XRRA1: variants seen among roughly 807,000 people sequenced by gnomAD.
XRRA1 encodes the protein X-ray radiation resistance-associated protein 1.
In XRRA1, 69 loss-of-function variants were observed where a neutral mutation model predicts 80.2. The ratio of observed to expected loss-of-function variants is 0.86; its 90% CI spans 0.71 to 1.05. XRRA1 has a LOEUF of 1.05. Ranked by LOEUF, XRRA1 falls within the 50% of genes least tolerant of loss-of-function variation. XRRA1 has a pLI of 0.00. For missense variants in XRRA1, 967 were observed against 976.4 expected (o/e 0.99, Z 0.13); for synonymous variants, 348 against 389.9 (o/e 0.89, Z 1.27).
At chr11:74,914,583 T>C (rs1235306191) in intron 8 of XRRA1, among the ~76,000 whole-genome samples, 1 of 152,202 alleles carries the variant, frequency 6.6e-6, no homozygotes, top group Non-Finnish European at 1.5e-5. Flanking sequence ...TACTGTCCCT[T>C]TTCCCTCTCA....
At chr11:74,849,251 G>A (rs921144081) in intron 14 of XRRA1, among the ~76,000 whole-genome samples, 1 of 152,146 alleles carries the variant, frequency 6.6e-6, no homozygotes, top group East Asian at 1.9e-4. Context: ...TGCAAGCACT[G>A]TAGTTAGAAA....
chr11:74,919,546 T>C (rs955009321), intron 8 of XRRA1: 2 of 389,614 alleles, frequency 5.1e-6, no homozygotes, highest in East Asian at 6.8e-5. Context: ...GACTGGCTCA[T>C]GGAGAAAGCC....
intron 8 of XRRA1, among the ~76,000 whole-genome samples, chr11:74,918,318 G>A (rs1460076571): frequency 2.0e-5 from 3 of 152,070 alleles, no homozygotes; most frequent in African/African-American, 7.2e-5. Flanking sequence ...GTGTGTGTGT[G>A]TGTGTGTGCA....
At chr11:74,937,299 G>C (rs113193323) in intron 3 of XRRA1, among the ~76,000 whole-genome samples, 1,649 of 152,168 alleles carry the variant, frequency 0.011, 33 homozygotes, top group African/African-American at 0.036. Flanking sequence ...ACATGAAAAG[G>C]CTGCGACAAA....
intron 9 of XRRA1, chr11:74,906,868 G>A: frequency 2.3e-6 from 1 of 434,320 alleles, no homozygotes; most frequent in East Asian, 4.0e-5. Flanking sequence ...CTACTGTCAG[G>A]GTCCGAATCC....
chr11:74,924,212 A>T (rs1418094384), intron 7 of XRRA1, among the ~76,000 whole-genome samples: 2 of 149,300 alleles, frequency 1.3e-5, no homozygotes, highest in African/African-American at 4.9e-5. Flanking sequence ...GCGGTGGCTC[A>T]CGCCTGTAAT....
At chr11:74,853,842 G>A (rs2040456055) in intron 12 of XRRA1, among the ~76,000 whole-genome samples, 1 of 152,060 alleles carries the variant, frequency 6.6e-6, no homozygotes, top group Admixed American at 6.5e-5. Context: ...AGAGAAAGAG[G>A]GCACCTGGTG....
intron 1 of XRRA1, among the ~76,000 whole-genome samples, chr11:74,947,301 G>C (rs977720033): frequency 6.6e-6 from 1 of 152,052 alleles, no homozygotes; most frequent in African/African-American, 2.4e-5. Context: ...CGAAGCAGAC[G>C]GATCACTTGA....
intron 7 of XRRA1, among the ~76,000 whole-genome samples, chr11:74,925,461 A>C (rs1941987242): frequency 6.6e-6 from 1 of 152,206 alleles, no homozygotes. Context: ...AAAATATTAC[A>C]TTACTGTGAG....
chr11:74,899,851 A>T (rs1228280520), intron 10 of XRRA1, among the ~76,000 whole-genome samples: 1 of 152,196 alleles, frequency 6.6e-6, no homozygotes, highest in Non-Finnish European at 1.5e-5. Flanking sequence ...AATCCTATTC[A>T]AACTGTTCGG....
At chr11:74,908,622 C>T (rs1408413624) in intron 8 of XRRA1, among the ~76,000 whole-genome samples, 1 of 152,114 alleles carries the variant, frequency 6.6e-6, no homozygotes, top group African/African-American at 2.4e-5. Context: ...ATTTATGTGG[C>T]CAGGTACTGA....
chr11:74,880,402 CA>C (rs1385578211), intron 10 of XRRA1, among the ~76,000 whole-genome samples: 1 of 151,474 alleles, frequency 6.6e-6, no homozygotes, highest in African/African-American at 2.4e-5. Context: ...TTGATCCTTT[CA>C]AAAAACCAGC....
At chr11:74,868,347 C>T (rs2043949870) in intron 10 of XRRA1, among the ~76,000 whole-genome samples, 1 of 152,120 alleles carries the variant, frequency 6.6e-6, no homozygotes, top group African/African-American at 2.4e-5. Flanking sequence ...ACTATCCGAC[C>T]AGATATGCCT....
chr11:74,901,079 G>A (rs1008051629), intron 10 of XRRA1, among the ~76,000 whole-genome samples: 2 of 152,080 alleles, frequency 1.3e-5, no homozygotes, highest in African/African-American at 4.8e-5. Context: ...AAAATGATTA[G>A]AACTGATAAG....
intron 7 of XRRA1, among the ~76,000 whole-genome samples, chr11:74,922,366 A>C (rs1321697108): frequency 6.6e-6 from 1 of 152,024 alleles, no homozygotes; most frequent in Non-Finnish European, 1.5e-5. Context: ...TTCTGGATTC[A>C]TGACATAGTT....
chr11:74,892,895 G>C (rs879498511), intron 10 of XRRA1, among the ~76,000 whole-genome samples: 559 of 151,850 alleles, frequency 3.7e-3, no homozygotes, highest in Non-Finnish European at 6.0e-3. Flanking sequence ...TCATTAAAAA[G>C]TCAGGAAACA....
intron 10 of XRRA1, among the ~76,000 whole-genome samples, chr11:74,867,917 C>CT (rs60520990): frequency 0.15 from 16,304 of 106,326 alleles, 1,568 homozygotes; most frequent in South Asian, 0.2. Flanking sequence ...TATAGTCAAT[C>CT]TTTTTTTTTT....
intron 10 of XRRA1, among the ~76,000 whole-genome samples, chr11:74,874,598 C>G (rs900539109): frequency 1.5e-4 from 23 of 152,184 alleles, no homozygotes; most frequent in Non-Finnish European, 2.8e-4. Flanking sequence ...CTGTTTATAC[C>G]CCACATAATG....
rs77670642 is a variant in XRRA1, at chr11:74,920,959, T to C, written c.656+255A>G. 4.7e-3 allele frequency among the ~76,000 whole-genome samples: 713 copies of C among 152,216 alleles called. 6 individuals are homozygous for C. The highest frequency in any genetic ancestry group is 0.016 in the African/African-American group (659 of 41,524). ...GACACAGGGGGCTCATGAAGGAGAA[T>C]TGTCTGGCAAGACAGTTTACAGATG... On this transcript the variant is annotated intron_variant, in intron 8 of 18. Coordinates refer to ENST00000684022, the MANE Select transcript of XRRA1 (RefSeq NM_001378157.1).
Sources: gnomAD v4.1 joint callset for allele counts (sites outside exome capture counted in the v4.1 genomes callset) on GRCh38, gnomAD v4.1.1 for gene constraint, MANE v1.5 for transcripts, NCBI Gene and HGNC (gene_info 2026-07-23, HGNC 2026-07-21) for gene names.